Variants in CACTIN observed in about 807,000 individuals in gnomAD.
CACTIN encodes the protein splicing factor Cactin.
CACTIN carries 20 observed loss-of-function variants against 84.9 expected under a neutral mutation model. The ratio of observed to expected loss-of-function variants is 0.24; its 90% confidence interval spans 0.17 to 0.34. The LOEUF is 0.34. Among genes scored for constraint, CACTIN ranks in the 10% least tolerant of loss-of-function variants. The probability of loss-of-function intolerance (pLI) is 1.00; values close to 1 mark genes in which losing one functional copy is unlikely to be tolerated. For missense variants in CACTIN, 897 were observed against 1,117.2 expected (o/e 0.80, Z 2.81); for synonymous variants, 549 against 467.9 (o/e 1.17, Z -2.24).
At position 3,610,860 on chromosome 19, in the gene CACTIN, T is replaced by C. The variant is rs1295048626; in HGVS notation, c.*1063A>G. ...GCCCTCTGGGGGTCCGGGAGGCACTTTCCGTTTTGCTTCTGTTGGAGATGT... is the reference window on the plus strand; with the variant it reads ...GCCCTCTGGGGGTCCGGGAGGCACTCTCCGTTTTGCTTCTGTTGGAGATGT... On this transcript the variant is annotated 3_prime_UTR_variant, in exon 10 of 10. Coordinates refer to ENST00000429344, the MANE Select transcript of CACTIN (RefSeq NM_001080543.2). The C allele has an allele frequency of 4.4e-6, 2 of 456,750 alleles. No individual in the cohort carries two copies. The highest frequency in any genetic ancestry group is 2.3e-5 in the Admixed American group (1 of 42,592). The allele number at this position is 456,750 out of a possible 1,614,324, so 28.3% of individuals were successfully genotyped here. A position where few individuals can be genotyped will look rare whatever the true frequency, so the allele number is the denominator to read the frequency against.
intron 6 of CACTIN, among the ~76,000 whole-genome samples, chr19:3,618,618 C>T (rs3746127): frequency 0.32 from 48,928 of 152,188 alleles, 9,529 homozygotes; most frequent in East Asian, 0.58. Flanking sequence ...AGGCCGGCAC[C>T]GCCGAGTCAG....
At chr19:3,612,982 G>C in intron 9 of CACTIN, 76 bp downstream of exon 9, 6 of 1,490,106 alleles carry the variant, frequency 4.0e-6, no homozygotes, top group Non-Finnish European at 5.4e-6. Context: ...GCTTCGGCCG[G>C]GAAATGAGGC....
Position 3,613,101 on chromosome 19 carries a change from G to C in CACTIN, c.1743C>G (p.Asp581Glu). Reference sequence around the variant, plus strand: ...GGCGCGAGAGCTGCAGGCGCTGCAGGTCCTCATCCGGTTCCAGCACGTGCG... The same window carrying C: ...GGCGCGAGAGCTGCAGGCGCTGCAGCTCCTCATCCGGTTCCAGCACGTGCG... The part of the protein sequence containing the change: ...LDAHVLEPDE[D>E]LQRLQLSRQQ... The change falls in exon 9 of 10, where the codon GAC (aspartate) becomes GAG (glutamate). Residue 581 changes from aspartate (D) to glutamate (E), a missense_variant. Physicochemically the swap from Asp to Glu is conservative, Grantham distance 45. Transcript: ENST00000429344. 6.3e-7 allele frequency: 1 copy of C among 1,599,084 alleles called. No individual in the cohort carries two copies. The highest frequency in any genetic ancestry group is 8.5e-7 in the Non-Finnish European group (1 of 1,176,898).
rs751381616 is a variant in CACTIN, at chr19:3,611,992, G to C, written c.2208C>G (p.Phe736Leu). The C allele has an allele frequency of 6.2e-7, 1 of 1,613,714 alleles. No homozygotes were observed. The highest frequency in any genetic ancestry group is 1.1e-5 in the South Asian group (1 of 91,088). Reference sequence around the variant, plus strand: ...AGATGCCGTTGGCAAACTGGCAGCGGAAGCCGTGGCGGTGCGAGTATTCCC... The same window carrying C: ...AGATGCCGTTGGCAAACTGGCAGCGCAAGCCGTGGCGGTGCGAGTATTCCC... The part of the protein sequence containing the change: ...REWEYSHRHG[F>L]RCQFANGIFQ... Residue 736 changes from phenylalanine to leucine, a missense_variant, in exon 10 of 10, where the codon TTC becomes TTG. By Grantham distance (22) the Phe-to-Leu change is conservative. This residue lies in a region of CACTIN where 21 missense variants were observed against 61.8 expected (regional missense o/e 0.34). Coordinates refer to ENST00000429344, the MANE Select transcript of CACTIN (RefSeq NM_001080543.2).
At chr19:3,617,234 G>A (rs927744596) in intron 6 of CACTIN, among the ~76,000 whole-genome samples, 2 of 152,240 alleles carry the variant, frequency 1.3e-5, no homozygotes, top group Admixed American at 6.5e-5. Context: ...AGCCTTGATC[G>A]CGCCACTCAA....
At chr19:3,620,578 T>G in intron 3 of CACTIN, 129 bp downstream of exon 3, 1 of 727,242 alleles carries the variant, frequency 1.4e-6, no homozygotes, top group East Asian at 2.7e-5. Flanking sequence ...TCTGAGCCCC[T>G]GGATCCAGCC....
At chr19:3,618,234 G>A (rs894223980) in intron 6 of CACTIN, among the ~76,000 whole-genome samples, 7 of 149,562 alleles carry the variant, frequency 4.7e-5, no homozygotes, top group Non-Finnish European at 3.0e-5. Flanking sequence ...TCTGGGCAAC[G>A]TCTGGGGACA....
intron 6 of CACTIN, among the ~76,000 whole-genome samples, chr19:3,618,454 T>C (rs2033153272): frequency 6.6e-6 from 1 of 152,094 alleles, no homozygotes; most frequent in Admixed American, 6.5e-5. Context: ...TAAAAGCCCA[T>C]CAGGTTGGAG....
At position 3,610,962 on chromosome 19, in the gene CACTIN, C is replaced by A. The variant is rs1456217278; in HGVS notation, c.*961G>T. ...GCTGTGGCACCCGTGTGGCCCTCGG[C>A]CCTCCTGGCCTGAGAAAGGGGAGTG... is the stretch of plus-strand genomic sequence containing the variant. On this transcript the variant is annotated 3_prime_UTR_variant, in exon 10 of 10. Coordinates refer to ENST00000429344, the MANE Select transcript of CACTIN (RefSeq NM_001080543.2). 2.2e-6 allele frequency: 1 copy of A among 456,698 alleles called. No homozygotes were observed. The highest frequency in any genetic ancestry group is 2.0e-5 in the African/African-American group (1 of 50,222). The allele number at this position is 456,698 out of a possible 1,614,324, so 28.3% of individuals were successfully genotyped here.
chr19:3,619,508 GC>G lies in CACTIN; in HGVS notation c.885-267del, dbSNP rs1170270610. On this transcript the variant is annotated intron_variant, in intron 4 of 9. Transcript: ENST00000429344. ...CCAGGTGGGAGGGGCTTCCTGGAGG[GC>G]CTCTGGGATGTGCCCAGGATGGCGG... Among the ~76,000 whole-genome samples the G allele has an allele frequency of 3.9e-5, 6 of 152,210 alleles. No homozygotes were observed. In the East Asian group the frequency reaches 1.2e-3, roughly 29 times the overall value.
intron 7 of CACTIN, 25 bp downstream of exon 7, chr19:3,614,372 C>T (rs1291824018): frequency 1.7e-5 from 27 of 1,554,854 alleles, no homozygotes; most frequent in Non-Finnish European, 2.3e-5. Flanking sequence ...CGGCACCAAC[C>T]CTGGTACCCG....
At chr19:3,619,356 G>T in intron 4 of CACTIN, 114 bp from the exon 5 acceptor site, 1 of 1,277,906 alleles carries the variant, frequency 7.8e-7, no homozygotes, top group Non-Finnish European at 1.1e-6. Context: ...TGACCCGTTG[G>T]GGGTGGTCAG....
rs1389567496 is a variant in CACTIN, at chr19:3,623,886, C to A, written c.444G>T (p.Glu148Asp). The A allele has an allele frequency of 6.2e-7, 1 of 1,607,186 alleles. No homozygotes were observed. Among genetic ancestry groups the A allele is most frequent in the Admixed American group, 1.7e-5 (1 of 60,012 alleles). ...TCAGCTCCTCCTGCTGCTTCCGCTC[C>A]TCCCGCAGCCGCAGCCGCTCCTGCA... ...QSLQERLRLR[E>D]ERKQQEELMK... The change falls in exon 2 of 10, where the codon GAG (glutamate) becomes GAT (aspartate). Residue 148 changes from glutamate (E) to aspartate (D), a missense_variant. Physicochemically the swap from Glu to Asp is conservative, Grantham distance 45 (BLOSUM62 2). Around this residue, in one of 8 missense-constraint regions of CACTIN, gnomAD observed 261 missense variants for 243.8 expected, o/e 1.07. Transcript: ENST00000429344.
At chr19:3,621,584 T>C (rs759910070) in intron 2 of CACTIN, among the ~76,000 whole-genome samples, 16 of 152,082 alleles carry the variant, frequency 1.1e-4, no homozygotes, top group African/African-American at 1.7e-4. Flanking sequence ...TCCACAGGCG[T>C]CAACGATGAC....
Position 3,611,267 on chromosome 19 carries a change from TGA to T in CACTIN, c.*654_*655del, listed in dbSNP as rs1341589358. The T allele has an allele frequency of 2.2e-6, 1 of 451,562 alleles. No homozygotes were observed. The highest frequency in any genetic ancestry group is 4.4e-6 in the Non-Finnish European group (1 of 225,204). The allele number at this position is 451,562 out of a possible 1,614,324, so 28.0% of individuals were successfully genotyped here. On this transcript the variant is annotated 3_prime_UTR_variant, in exon 10 of 10. Transcript: ENST00000429344. ...ATGGACCCCACCAGCCAGCACGGGG[TGA>T]GTTGGGGGCCAGTCCCTGCAGAGTG...
chr19:3,620,477 C>G (rs890845904), intron 3 of CACTIN: 46 of 719,690 alleles, frequency 6.4e-5, no homozygotes, highest in Non-Finnish European at 9.4e-5. Context: ...AGCTGGGGCC[C>G]TCTCGGCCAC....
chr19:3,613,161 C>T lies in CACTIN; in HGVS notation c.1683G>A (p.Pro561=), dbSNP rs1173326288. The change falls in exon 9 of 10, where the codon CCG becomes CCA. Residue 561 remains proline (P), a synonymous_variant. Coordinates refer to ENST00000429344, the MANE Select transcript of CACTIN (RefSeq NM_001080543.2). ...GCAGCTCGTGCGCCGTGAGCAGCCG[C>T]GGGCTGTACCTGCCGGCGTCGTAGT... ...LDDYDAGRYS[P]RLLTAHELPL... 3.7e-6 allele frequency: 6 copies of T among 1,610,438 alleles called. No homozygotes were observed. The highest frequency in any genetic ancestry group is 3.3e-4 in the Middle Eastern group (2 of 6,058).
chr19:3,615,258 C>T lies in CACTIN; in HGVS notation c.1163-669G>A, dbSNP rs935633287. ...GAGGCTCAAGTCCCTCCTCGATAGACGGGGAGGCTGCTGAGGGCGGGAGTG... is the reference window on the plus strand; with the variant it reads ...GAGGCTCAAGTCCCTCCTCGATAGATGGGGAGGCTGCTGAGGGCGGGAGTG... On this transcript the variant is annotated intron_variant, in intron 6 of 9. Transcript: ENST00000429344. This position sits in a 1 kb window ranked among gnomAD's most constrained non-coding sequence, Gnocchi z 5.2. 8.3e-5 allele frequency: 13 copies of T among 156,416 alleles called. 1 individual carries two copies. Among genetic ancestry groups the T allele is most frequent in the African/African-American group, 2.2e-4 (9 of 41,466 alleles). 9.7% of individuals were successfully genotyped at this position (156,416 alleles called of 1,614,324 possible).
chr19:3,620,328 G>A (rs1406485180), intron 3 of CACTIN, 56 bp from the exon 4 acceptor site: 1 of 1,524,478 alleles, frequency 6.6e-7, no homozygotes, highest in East Asian at 2.4e-5. Flanking sequence ...AGGGCTGCGG[G>A]GGGAGGGGCT....
Sources: allele counts gnomAD v4.1 joint callset (sites outside exome capture counted in the v4.1 genomes callset), GRCh38; gene constraint gnomAD v4.1.1; regional missense constraint gnomAD v4.1.1; non-coding constraint Gnocchi (gnomAD v3.1); transcripts MANE v1.5; gene names NCBI Gene and HGNC (gene_info 2026-07-23, HGNC 2026-07-21).